The following NT5C1A variants were observed in gnomAD, a reference collection of about 807,000 sequenced individuals.
The protein encoded by NT5C1A is 5'-nucleotidase, cytosolic IA.
In NT5C1A, 18 loss-of-function variants were observed where a neutral mutation model predicts 31.0. That is an observed-to-expected ratio of 0.58 (90% CI 0.40 to 0.86). The LOEUF (loss-of-function observed/expected upper bound fraction) is 0.86, where lower values mean the gene tolerates loss of function less well. Ranked by LOEUF, NT5C1A falls within the 40% of genes least tolerant of loss-of-function variation. NT5C1A has a pLI of 0.00. For synonymous variants in NT5C1A, 185 were observed against 203.6 expected (o/e 0.91, Z 0.78); for missense variants, 470 against 505.4 (o/e 0.93, Z 0.67).
rs962188718 is a variant in NT5C1A at position 39,652,522 on chromosome 1, C to T, written c.*6599G>A. 1.3e-4 allele frequency among the ~76,000 whole-genome samples: 20 copies of T among 152,030 alleles called. No individual in the cohort carries two copies. Among genetic ancestry groups the T allele is most frequent in the African/African-American group, 4.8e-4 (20 of 41,390 alleles). ...GGTTTGTGACCCTGGCCCAGGCATC[C>T]AGTCTAGGGTGACCTCAGTGATTTT... On this transcript the variant is annotated 3_prime_UTR_variant, in exon 6 of 6. Coordinates refer to ENST00000235628, the MANE Select transcript of NT5C1A (RefSeq NM_032526.3).
At chr1:39,670,459 T>C (rs550902395) in intron 1 of NT5C1A, among the ~76,000 whole-genome samples, 1 of 152,362 alleles carries the variant, frequency 6.6e-6, no homozygotes, top group South Asian at 2.1e-4. Context: ...AATGTCCACC[T>C]AATACATTAG....
At chr1:39,661,016 G>T in intron 5 of NT5C1A, 63 bp downstream of exon 5, 1 of 983,030 alleles carries the variant, frequency 1.0e-6, no homozygotes. Flanking sequence ...GGGAGTGCAG[G>T]CCAAGGGCAG....
intron 4 of NT5C1A, 64 bp downstream of exon 4, chr1:39,663,248 G>T: frequency 6.2e-7 from 1 of 1,601,326 alleles, no homozygotes; most frequent in Non-Finnish European, 8.5e-7. Flanking sequence ...TTCAGGACCA[G>T]GCCTCCCACC....
chr1:39,652,816 T>A lies in NT5C1A; in HGVS notation c.*6305A>T, dbSNP rs1261462127. On this transcript the variant is annotated 3_prime_UTR_variant, in exon 6 of 6. Transcript: ENST00000235628. ...GGCCCATCAGGGAGATACTTCCCAA[T>A]TAAGGTCAATGGTAAGTCACTTCTG... 6.6e-6 allele frequency among the ~76,000 whole-genome samples: 1 copy of A among 152,038 alleles called. No homozygotes were observed. Among genetic ancestry groups the A allele is most frequent in the Non-Finnish European group, 1.5e-5 (1 of 68,014 alleles).
intron 1 of NT5C1A, among the ~76,000 whole-genome samples, chr1:39,667,023 C>T (rs1463148265): frequency 6.6e-6 from 1 of 152,116 alleles, no homozygotes; most frequent in East Asian, 1.9e-4. Context: ...CAGATCTGAC[C>T]ACAGCCCCCC....
In NT5C1A at chr1:39,672,027, C is replaced by T. The variant is rs1430126132; in HGVS notation, c.12G>A (p.Gly4=). 6.2e-7 allele frequency: 1 copy of T among 1,601,064 alleles called. No individual in the cohort carries two copies. ...GGGGCTCCTGGGGCTCCCGGGGCTG[C>T]CCAGGTTCCATGCTCCGGCTCTGAC... MEP[G]QPREPQEPRE... Residue 4 remains glycine (G), a synonymous_variant, in exon 1 of 6, where the codon GGG becomes GGA. Coordinates refer to ENST00000235628, the MANE Select transcript of NT5C1A (RefSeq NM_032526.3).
At chr1:39,661,379 T>C (rs1359393155) in intron 4 of NT5C1A, 116 bp from the exon 5 acceptor site, 1 of 516,306 alleles carries the variant, frequency 1.9e-6, no homozygotes, top group African/African-American at 1.9e-5. Flanking sequence ...GCAAGGCTGA[T>C]GAAAACTAAT....
At position 39,672,045 on chromosome 1, in the gene NT5C1A, G is replaced by A; in HGVS notation, c.-7C>T. 1 of 1,588,258 alleles carries A rather than the reference G, an allele frequency of 6.3e-7. No individual in the cohort carries two copies. Among genetic ancestry groups the A allele is most frequent in the Non-Finnish European group, 8.5e-7 (1 of 1,173,868 alleles). ...GGGGCTGCCCAGGTTCCATGCTCCG[G>A]CTCTGACCCGGCCCGGCCAGAGCAG... On this transcript the variant is annotated 5_prime_UTR_variant, in exon 1 of 6. Transcript: ENST00000235628.
intron 5 of NT5C1A, 91 bp from the exon 6 acceptor site, chr1:39,659,577 G>A: frequency 2.0e-6 from 3 of 1,468,186 alleles, no homozygotes; most frequent in East Asian, 2.3e-5. Flanking sequence ...CTTGTTTGGT[G>A]TGGAAAACTT....
chr1:39,657,669 G>A lies in NT5C1A; in HGVS notation c.*1452C>T, dbSNP rs1209548037. Among the ~76,000 whole-genome samples, 2 of 152,210 alleles carry A rather than the reference G, an allele frequency of 1.3e-5. No individual in the cohort carries two copies. Among genetic ancestry groups the A allele is most frequent in the East Asian group, 1.9e-4 (1 of 5,190 alleles). The stretch of plus-strand genomic sequence containing the variant: ...GCGGTGAGAGTTCTCCTCTGAAAGT[G>A]GTGAAGAAGGGGCCGCAGGGGCTCT... On this transcript the variant is annotated 3_prime_UTR_variant, in exon 6 of 6. Coordinates refer to ENST00000235628, the MANE Select transcript of NT5C1A (RefSeq NM_032526.3).
chr1:39,669,720 C>T (rs1646540816), intron 1 of NT5C1A, among the ~76,000 whole-genome samples: 1 of 152,176 alleles, frequency 6.6e-6, no homozygotes, highest in Non-Finnish European at 1.5e-5. Flanking sequence ...AGCACTGATG[C>T]TTTCACTGCC....
At chr1:39,664,731 C>T (rs1340507867) in intron 3 of NT5C1A, among the ~76,000 whole-genome samples, 3 of 150,954 alleles carry the variant, frequency 2.0e-5, no homozygotes, top group Admixed American at 1.3e-4. Flanking sequence ...TCAAGTGTTC[C>T]ACCCGCCCTG....
rs574793707 is a variant in NT5C1A at position 39,658,274 on chromosome 1, G to A, written c.*847C>T. 3.3e-5 allele frequency among the ~76,000 whole-genome samples: 5 copies of A among 152,356 alleles called. No individual in the cohort carries two copies. Among genetic ancestry groups the A allele is most frequent in the African/African-American group, 1.2e-4 (5 of 41,584 alleles). The stretch of plus-strand genomic sequence containing the variant: ...CCAATTCACTCCCCTTGCTTCCTGG[G>A]CTGAGCCCTGATGACCATTCAGGTT... On this transcript the variant is annotated 3_prime_UTR_variant, in exon 6 of 6. Coordinates refer to ENST00000235628, the MANE Select transcript of NT5C1A (RefSeq NM_032526.3).
chr1:39,660,388 G>C (rs971732091), intron 5 of NT5C1A, among the ~76,000 whole-genome samples: 10 of 152,218 alleles, frequency 6.6e-5, no homozygotes, highest in Non-Finnish European at 1.3e-4. Context: ...CCCAACTCCA[G>C]GGAATTTCCA....
Position 39,654,534 on chromosome 1 carries a change from G to C in NT5C1A, c.*4587C>G, listed in dbSNP as rs183457738. Among the ~76,000 whole-genome samples, 75 of 152,316 alleles carry C rather than the reference G, an allele frequency of 4.9e-4. No homozygotes were observed. Among genetic ancestry groups the C allele is most frequent in the Middle Eastern group, 6.8e-3 (2 of 294 alleles). On this transcript the variant is annotated 3_prime_UTR_variant, in exon 6 of 6. Coordinates refer to ENST00000235628, the MANE Select transcript of NT5C1A (RefSeq NM_032526.3). ...GCCAGCTGGGCTCATCCCCAGCCAA[G>C]GGCCCTGCTCCTGCCCTCTCACTCA... is the stretch of plus-strand genomic sequence containing the variant.
chr1:39,663,459 G>A, intron 3 of NT5C1A, 25 bp from the exon 4 acceptor site: 1 of 1,613,344 alleles, frequency 6.2e-7, no homozygotes, highest in Non-Finnish European at 8.5e-7. Flanking sequence ...AAGGACCCAG[G>A]TGAGGCCAGG....
intron 3 of NT5C1A, 136 bp from the exon 4 acceptor site, chr1:39,663,570 C>T: frequency 1.3e-6 from 1 of 795,818 alleles, no homozygotes; most frequent in South Asian, 1.8e-5. Flanking sequence ...TAATTTTAGG[C>T]CAGTGTTCCC....
In NT5C1A at chr1:39,671,955, C is replaced by T; in HGVS notation, c.84G>A (p.Glu28=). The change falls in exon 1 of 6, where the codon GAG becomes GAA. Residue 28 remains glutamate, a synonymous_variant. Transcript: ENST00000235628. ...GAETAAAPVW[E]EAKIFYDNLA... is the part of the protein sequence containing the mutation. ...GGTTGTCGTAGAAAATCTTGGCTTC[C>T]TCCCAGACCGGGGCCGCAGCGGTCT... 1 of 1,612,968 alleles carries T rather than the reference C, an allele frequency of 6.2e-7. No homozygotes were observed. Among genetic ancestry groups the T allele is most frequent in the South Asian group, 1.1e-5 (1 of 91,080 alleles).
rs1183586380 is a variant in NT5C1A, at chr1:39,655,142, A to G, written c.*3979T>C. On this transcript the variant is annotated 3_prime_UTR_variant, in exon 6 of 6. Transcript: ENST00000235628. ...TTTTTAGTAGAGACGGGGTTTCATC[A>G]TGTTGGGCAGGATGGTCTCGATCTC... is the stretch of plus-strand genomic sequence containing the variant. 6.6e-6 allele frequency among the ~76,000 whole-genome samples: 1 copy of G among 152,072 alleles called. No homozygotes were observed. Among genetic ancestry groups the G allele is most frequent in the Non-Finnish European group, 1.5e-5 (1 of 68,014 alleles).
Sources: allele counts gnomAD v4.1 joint callset (sites outside exome capture counted in the v4.1 genomes callset), GRCh38; gene constraint gnomAD v4.1.1; transcripts MANE v1.5; gene names NCBI Gene and HGNC (gene_info 2026-07-23, HGNC 2026-07-21).